Variants in TECPR2 observed in about 807,000 individuals in gnomAD.
The protein encoded by TECPR2 is tectonin beta-propeller repeat containing 2, also known as tectonin beta-propeller repeat-containing protein 2.
A neutral mutation model predicts 138.1 loss-of-function variants in TECPR2; 65 were observed. The ratio of observed to expected loss-of-function variants is 0.47; its 90% CI spans 0.39 to 0.58. TECPR2 has a LOEUF of 0.58. Ranked by LOEUF, TECPR2 falls within the 20% of genes least tolerant of loss-of-function variation. The pLI is 0.00. For missense variants in TECPR2, 1,553 were observed against 1,824.5 expected (o/e 0.85, Z 2.71); for synonymous variants, 746 against 749.8 (o/e 0.99, Z 0.08).
In TECPR2 at chr14:102,496,897, A is replaced by G. The variant is rs1012512357; in HGVS notation, c.3790-82A>G. ...CTGGCTGCTGCATGCTGCCACTAAC[A>G]TGTCCCCAGTTCCGGAAGTCTCCTG... On this transcript the variant is annotated intron_variant, in intron 17 of 19. Coordinates refer to ENST00000359520, the MANE Select transcript of TECPR2 (RefSeq NM_014844.5). 1.1e-5 allele frequency: 17 copies of G among 1,564,562 alleles called. 1 individual carries two copies. Among genetic ancestry groups the G allele is most frequent in the Middle Eastern group, 1.7e-4 (1 of 5,858 alleles).
chr14:102,384,718 T>C (rs1358895238), intron 2 of TECPR2, among the ~76,000 whole-genome samples: 1 of 150,054 alleles, frequency 6.7e-6, no homozygotes, highest in African/African-American at 2.4e-5. Context: ...TGTGTGTATA[T>C]ATATATACAC....
intron 4 of TECPR2, among the ~76,000 whole-genome samples, chr14:102,412,350 C>T (rs1888902213): frequency 1.3e-5 from 2 of 152,108 alleles, no homozygotes; most frequent in Non-Finnish European, 2.9e-5. Flanking sequence ...ACAGGCTGGT[C>T]TTGAACATCT....
chr14:102,479,949 G>A (rs1890849580), intron 17 of TECPR2, among the ~76,000 whole-genome samples: 2 of 152,240 alleles, frequency 1.3e-5, no homozygotes, highest in African/African-American at 4.8e-5. Context: ...TGCCAGCCAG[G>A]AGGGACTGTT....
chr14:102,378,012 G>A (rs1887687519), intron 2 of TECPR2, among the ~76,000 whole-genome samples: 1 of 152,224 alleles, frequency 6.6e-6, no homozygotes, highest in African/African-American at 2.4e-5. Flanking sequence ...GTAGATATTG[G>A]TGGAGATGTT....
At chr14:102,456,939 C>G (rs1890290177) in intron 16 of TECPR2, among the ~76,000 whole-genome samples, 1 of 151,826 alleles carries the variant, frequency 6.6e-6, no homozygotes. Context: ...TGAGTTTCTC[C>G]CCTAGAAAGA....
chr14:102,484,057 A>G (rs894349131), intron 17 of TECPR2, among the ~76,000 whole-genome samples: 1 of 151,280 alleles, frequency 6.6e-6, no homozygotes, highest in South Asian at 2.1e-4. Flanking sequence ...TTGGCCTCCC[A>G]AAGTGCTGGG....
chr14:102,381,318 A>G (rs911190984), intron 2 of TECPR2, among the ~76,000 whole-genome samples: 1 of 152,214 alleles, frequency 6.6e-6, no homozygotes, highest in Non-Finnish European at 1.5e-5. Flanking sequence ...CACACCTGTA[A>G]TTCCAGAACT....
intron 2 of TECPR2, among the ~76,000 whole-genome samples, chr14:102,399,969 T>G (rs2139684345): frequency 6.6e-6 from 1 of 152,220 alleles, no homozygotes; most frequent in Middle Eastern, 3.4e-3. Flanking sequence ...TTTAAGAGAC[T>G]AAAATGCTTT....
At chr14:102,431,208 C>T (rs140355721) in intron 7 of TECPR2, among the ~76,000 whole-genome samples, 1 of 144,452 alleles carries the variant, frequency 6.9e-6, no homozygotes, top group African/African-American at 2.5e-5. Flanking sequence ...GACTCCGTCT[C>T]AAAAATAAAT....
chr14:102,384,054 G>A (rs1451468999), intron 2 of TECPR2, among the ~76,000 whole-genome samples: 3 of 151,028 alleles, frequency 2.0e-5, no homozygotes, highest in African/African-American at 7.3e-5. Context: ...TGAGTAGCTG[G>A]GATTACAGGC....
At chr14:102,388,994 G>T (rs776918408) in intron 2 of TECPR2, among the ~76,000 whole-genome samples, 87 of 147,050 alleles carry the variant, frequency 5.9e-4, no homozygotes, top group Non-Finnish European at 1.1e-3. Flanking sequence ...GCTGGATGTG[G>T]TGGCACGTGC....
At position 102,376,716 on chromosome 14, in the gene TECPR2, T is replaced by G; in HGVS notation, c.-6T>G. ...TGCGTGAAGATAGTCTGTGGAAACC[T>G]TGGCCATGGCATCGATATCAGAGCC... is the stretch of plus-strand genomic sequence containing the variant. On this transcript the variant is annotated 5_prime_UTR_variant, in exon 2 of 20. Coordinates refer to ENST00000359520, the MANE Select transcript of TECPR2 (RefSeq NM_014844.5). 6.2e-7 allele frequency: 1 copy of G among 1,613,996 alleles called. No homozygotes were observed. The highest frequency in any genetic ancestry group is 8.5e-7 in the Non-Finnish European group (1 of 1,179,808).
chr14:102,389,894 T>A (rs995853980), intron 2 of TECPR2, among the ~76,000 whole-genome samples: 29 of 152,258 alleles, frequency 1.9e-4, no homozygotes, highest in Admixed American at 6.5e-5. Context: ...GAAAAGCAGA[T>A]ATCTTTGTTT....
chr14:102,432,110 A>G lies in TECPR2; in HGVS notation c.1399A>G (p.Lys467Glu). The G allele has an allele frequency of 6.3e-7, 1 of 1,583,202 alleles. No individual in the cohort carries two copies. The highest frequency in any genetic ancestry group is 8.6e-7 in the Non-Finnish European group (1 of 1,161,906). ...GAAGCCTATCAAAGTGAAAAGGAAG[A>G]AGAAGAAGAAGAAGACAGGTACCCT... ...VVKPIKVKRK[K>E]KKKKTEGGSR... Residue 467 changes from lysine to glutamate, a missense_variant, in exon 8 of 20, where the codon AAG becomes GAG. Transcript: ENST00000359520.
chr14:102,448,674 T>C (rs1193592738), intron 13 of TECPR2, among the ~76,000 whole-genome samples: 2 of 151,194 alleles, frequency 1.3e-5, no homozygotes, highest in Admixed American at 6.6e-5. Context: ...AAGACCAGCC[T>C]GGCCAACATG....
chr14:102,486,447 G>C (rs1006513536), intron 17 of TECPR2, among the ~76,000 whole-genome samples: 22 of 152,302 alleles, frequency 1.4e-4, no homozygotes, highest in Admixed American at 1.2e-3. Context: ...CTACAGGTGT[G>C]TGTACAAAAT....
At chr14:102,441,646 C>T (rs61530339) in intron 11 of TECPR2, among the ~76,000 whole-genome samples, 5 of 152,000 alleles carry the variant, frequency 3.3e-5, no homozygotes, top group Admixed American at 6.5e-5. Context: ...GCTGAGATCG[C>T]GCCACTGCAC....
chr14:102,498,412 T>C lies in TECPR2; in HGVS notation c.*155T>C, dbSNP rs1891352348. ...ACTTACTTTCATCTATGTTGGTTTC[T>C]GTCTCGTTCCAGAACCCACAGCCTC... is the stretch of plus-strand genomic sequence containing the variant. On this transcript the variant is annotated 3_prime_UTR_variant, in exon 20 of 20. Coordinates refer to ENST00000359520, the MANE Select transcript of TECPR2 (RefSeq NM_014844.5). 2.0e-6 allele frequency: 2 copies of C among 1,019,286 alleles called. No individual in the cohort carries two copies. Among genetic ancestry groups the C allele is most frequent in the East Asian group, 5.3e-5 (2 of 38,010 alleles). 63.1% of individuals were successfully genotyped at this position (1,019,286 alleles called of 1,614,324 possible).
chr14:102,493,209 C>G (rs1040255130), intron 17 of TECPR2, among the ~76,000 whole-genome samples: 1 of 152,250 alleles, frequency 6.6e-6, no homozygotes, highest in African/African-American at 2.4e-5. Flanking sequence ...CGTCTCAGCT[C>G]TGGGCCAGGA....
Sources: gnomAD v4.1 joint callset for allele counts (sites outside exome capture counted in the v4.1 genomes callset) on GRCh38, gnomAD v4.1.1 for gene constraint, MANE v1.5 for transcripts, NCBI Gene and HGNC (gene_info 2026-07-23, HGNC 2026-07-21) for gene names.